Variants in PIP4P2 observed in about 807,000 individuals in gnomAD.
PIP4P2 encodes the protein phosphatidylinositol-4,5-bisphosphate 4-phosphatase 2.
In PIP4P2, 19 loss-of-function variants were observed where a neutral mutation model predicts 33.3. The observed-to-expected ratio is 0.57, with a 90% CI of 0.40 to 0.84. The LOEUF (loss-of-function observed/expected upper bound fraction) is 0.84. Ranked by LOEUF, PIP4P2 falls within the 40% of genes least tolerant of loss-of-function variation. The pLI is 0.00. For synonymous variants in PIP4P2, 110 were observed against 111.9 expected (o/e 0.98, Z 0.11); for missense variants, 270 against 324.7 (o/e 0.83, Z 1.29).
chr8:91,018,135 G>A (rs1811945331), intron 4 of PIP4P2, among the ~76,000 whole-genome samples: 1 of 152,100 alleles, frequency 6.6e-6, no homozygotes, highest in Admixed American at 6.6e-5. Context: ...ACTAAGCCTG[G>A]GCACGATTTC....
intron 1 of PIP4P2, among the ~76,000 whole-genome samples, chr8:91,030,893 A>G (rs907917232): frequency 6.6e-6 from 1 of 152,192 alleles, no homozygotes; most frequent in Non-Finnish European, 1.5e-5. Context: ...TGGATATGAC[A>G]TGGCTTATTA....
chr8:91,040,688 A>C lies in PIP4P2; in HGVS notation c.62T>G (p.Val21Gly). Residue 21 changes from valine (V) to glycine (G), a missense_variant, in exon 1 of 7, where the codon GTC (valine) becomes GGC (glycine). Val to Gly is a moderately radical substitution (Grantham distance 109, BLOSUM62 -3). Coordinates refer to ENST00000285419, the MANE Select transcript of PIP4P2 (RefSeq NM_018710.3). ...CAAGTACGGTGGGGCGGTGGGAGTG[A>C]CATTTCCGGAGTGGGATGCTGACAG... Reference protein sequence around the residue: ...PLLSASHSGNVTPTAPPYLQE... With the variant: ...PLLSASHSGNGTPTAPPYLQE... 2.5e-6 allele frequency: 4 copies of C among 1,613,354 alleles called. No individual in the cohort carries two copies. Among genetic ancestry groups the C allele is most frequent in the Non-Finnish European group, 2.5e-6 (3 of 1,180,010 alleles).
At chr8:91,028,439 A>G (rs1812113158) in intron 1 of PIP4P2, among the ~76,000 whole-genome samples, 1 of 152,216 alleles carries the variant, frequency 6.6e-6, no homozygotes, top group African/African-American at 2.4e-5. Flanking sequence ...GAATTACTAG[A>G]AACTGGTGGT....
In PIP4P2 at chr8:91,040,853, T is replaced by A; in HGVS notation, c.-104A>T. The A allele has an allele frequency of 5.9e-6, 5 of 850,486 alleles. No homozygotes were observed. The highest frequency in any genetic ancestry group is 6.9e-6 in the Non-Finnish European group (4 of 583,500). 52.7% of individuals were successfully genotyped at this position (850,486 alleles called of 1,614,324 possible). On this transcript the variant is annotated 5_prime_UTR_variant, in exon 1 of 7. Transcript: ENST00000285419. Reference sequence around the variant, plus strand: ...CTGCTGCCGCTGCTGCCGCTGCAGCTGCTGCTGCTGCCGCCTCCGGGAGGG... The same window carrying A: ...CTGCTGCCGCTGCTGCCGCTGCAGCAGCTGCTGCTGCCGCCTCCGGGAGGG...
At position 91,021,370 on chromosome 8, in the gene PIP4P2, A is replaced by T. The variant is rs1812006677; in HGVS notation, c.141T>A (p.Ser47Arg). Residue 47 changes from serine to arginine, a missense_variant, in exon 2 of 7, where the codon AGT becomes AGA. By Grantham distance (110) the Ser-to-Arg change is moderately radical (BLOSUM62 -1). Transcript: ENST00000285419. ...ELPPPYTAIASPDASGIPVIN... is the reference protein window; with the variant it reads ...ELPPPYTAIARPDASGIPVIN... The stretch of plus-strand genomic sequence containing the variant: ...TTACTGGAATACCACTGGCGTCTGG[A>T]CTGGCAATGGCTGTATATGGAGGTG... 1 of 1,613,806 alleles carries T rather than the reference A, an allele frequency of 6.2e-7. No individual in the cohort carries two copies. Among genetic ancestry groups the T allele is most frequent in the Non-Finnish European group, 8.5e-7 (1 of 1,179,790 alleles).
At chr8:91,006,063 T>C (rs1207288314) in intron 5 of PIP4P2, among the ~76,000 whole-genome samples, 1 of 152,342 alleles carries the variant, frequency 6.6e-6, no homozygotes, top group Admixed American at 6.5e-5. Flanking sequence ...TGTTTCACAG[T>C]AATAAATTTA....
Position 90,995,582 on chromosome 8 carries a change from T to A in PIP4P2, c.*95A>T. 4 of 1,429,332 alleles carry A rather than the reference T, an allele frequency of 2.8e-6. No homozygotes were observed. The highest frequency in any genetic ancestry group is 3.7e-6 in the Non-Finnish European group (4 of 1,079,278). 88.5% of individuals were successfully genotyped at this position (1,429,332 alleles called of 1,614,324 possible). A position where few individuals can be genotyped will look rare whatever the true frequency, so the allele number is the denominator to read the frequency against. On this transcript the variant is annotated 3_prime_UTR_variant, in exon 7 of 7. Coordinates refer to ENST00000285419, the MANE Select transcript of PIP4P2 (RefSeq NM_018710.3). ...TGAAACGATTATACATAAACCAGAA[T>A]GGAATCCATTAGGATAAATAATTTA... is the stretch of plus-strand genomic sequence containing the variant.
chr8:90,993,848 AT>A lies in PIP4P2; in HGVS notation c.*1828del, dbSNP rs1444692281. 2 of 152,222 alleles carry A rather than the reference AT, an allele frequency of 1.3e-5. No homozygotes were observed. Among genetic ancestry groups the A allele is most frequent in the African/African-American group, 4.8e-5 (2 of 41,458 alleles). 9.4% of individuals were successfully genotyped at this position (152,222 alleles called of 1,614,324 possible). ...ACCATTTATTCATTCATGCATATTCATTCACGTAAATTGAGCACATGTACAC... is the reference window on the plus strand; with the variant it reads ...ACCATTTATTCATTCATGCATATTCATCACGTAAATTGAGCACATGTACAC... On this transcript the variant is annotated 3_prime_UTR_variant, in exon 7 of 7. Coordinates refer to ENST00000285419, the MANE Select transcript of PIP4P2 (RefSeq NM_018710.3).
At chr8:91,019,754 T>TG (rs770123323) in intron 3 of PIP4P2, among the ~76,000 whole-genome samples, 26 of 152,164 alleles carry the variant, frequency 1.7e-4, no homozygotes, top group South Asian at 4.1e-4. Context: ...TTTGTAGAGA[T>TG]GGGGTCTCAC....
At chr8:90,997,215 T>C (rs1811640734) in intron 5 of PIP4P2, among the ~76,000 whole-genome samples, 3 of 152,020 alleles carry the variant, frequency 2.0e-5, no homozygotes, top group South Asian at 2.1e-4. Context: ...CATAAAATAG[T>C]CACTCAGTAT....
chr8:91,037,921 A>G (rs1812253277), intron 1 of PIP4P2, among the ~76,000 whole-genome samples: 1 of 152,144 alleles, frequency 6.6e-6, no homozygotes, highest in South Asian at 2.1e-4. Context: ...ATTTCTTCCA[A>G]TCTCCTTTCA....
intron 1 of PIP4P2, among the ~76,000 whole-genome samples, chr8:91,035,133 T>A (rs954347382): frequency 1.3e-5 from 2 of 152,208 alleles, no homozygotes; most frequent in African/African-American, 4.8e-5. Flanking sequence ...TCAAGCAATT[T>A]CAAGATTACA....
At chr8:91,017,297 G>T (rs541181614) in intron 4 of PIP4P2, among the ~76,000 whole-genome samples, 29 of 152,244 alleles carry the variant, frequency 1.9e-4, no homozygotes, top group African/African-American at 7.0e-4. Flanking sequence ...TACTTGGGAG[G>T]CTGTGGCAGG....
At chr8:91,002,059 G>C (rs1811705962) in intron 5 of PIP4P2, among the ~76,000 whole-genome samples, 1 of 152,062 alleles carries the variant, frequency 6.6e-6, no homozygotes, top group Non-Finnish European at 1.5e-5. Flanking sequence ...CTCTTTTCCA[G>C]GGGAAGAGTA....
intron 4 of PIP4P2, among the ~76,000 whole-genome samples, chr8:91,011,309 G>A (rs145939948): frequency 2.3e-3 from 343 of 152,124 alleles, no homozygotes; most frequent in African/African-American, 8.0e-3. Context: ...CCTTTTACCA[G>A]CAACAGAGAC....
chr8:91,032,377 A>T (rs1812174553), intron 1 of PIP4P2, among the ~76,000 whole-genome samples: 1 of 152,218 alleles, frequency 6.6e-6, no homozygotes, highest in South Asian at 2.1e-4. Flanking sequence ...TTTTCTAAAA[A>T]AGCATAGAAA....
chr8:90,997,549 C>A (rs945639869), intron 5 of PIP4P2, among the ~76,000 whole-genome samples: 1 of 152,024 alleles, frequency 6.6e-6, no homozygotes, highest in Non-Finnish European at 1.5e-5. Flanking sequence ...AATTCCAAAT[C>A]TAATAGTATT....
intron 4 of PIP4P2, among the ~76,000 whole-genome samples, chr8:91,009,441 T>C (rs1012232256): frequency 3.3e-5 from 5 of 152,074 alleles, no homozygotes; most frequent in African/African-American, 1.2e-4. Flanking sequence ...AATATAAATT[T>C]AAAGTAAATC....
chr8:91,022,778 C>G (rs1034809948), intron 1 of PIP4P2, among the ~76,000 whole-genome samples: 5 of 151,982 alleles, frequency 3.3e-5, no homozygotes, highest in Admixed American at 6.6e-5. Flanking sequence ...GGATTTTTTT[C>G]AGACTGCTAA....
Sources: allele counts gnomAD v4.1 joint callset (sites outside exome capture counted in the v4.1 genomes callset), GRCh38; gene constraint gnomAD v4.1.1; transcripts MANE v1.5; gene names NCBI Gene and HGNC (gene_info 2026-07-23, HGNC 2026-07-21).